The following INTS9 variants were observed in gnomAD, a reference collection of about 807,000 sequenced individuals.
INTS9 encodes integrator complex subunit 9.
A neutral mutation model predicts 79.7 loss-of-function variants in INTS9; 55 were observed. The observed-to-expected ratio is 0.69, with a 90% CI of 0.56 to 0.86. The LOEUF is 0.86. INTS9 is among the 40% of genes least tolerant of loss of function. The pLI is 0.00. For synonymous variants in INTS9, 319 were observed against 325.2 expected, an observed-to-expected ratio of 0.98 and a Z score of 0.20; for missense variants, 721 against 831.5, an observed-to-expected ratio of 0.87 and a Z score of 1.64.
intron 5 of INTS9, 99 bp from the exon 6 acceptor site, chr8:28,835,477 C>A: frequency 1.9e-6 from 1 of 515,188 alleles, no homozygotes; most frequent in South Asian, 3.3e-5. Context: ...GCCCACCTCC[C>A]CCTACACCAT....
chr8:28,768,458 C>T, intron 16 of INTS9, 136 bp from the exon 17 acceptor site: 1 of 770,104 alleles, frequency 1.3e-6, no homozygotes, highest in Non-Finnish European at 2.2e-6. Context: ...TAGTCATAGG[C>T]CTATGATAGT....
At chr8:28,887,253 C>T (rs182564136) in intron 1 of INTS9, among the ~76,000 whole-genome samples, 27 of 152,192 alleles carry the variant, frequency 1.8e-4, no homozygotes, top group Admixed American at 1.8e-3. Flanking sequence ...ATCCTAAGGG[C>T]AAAGGAAGAT....
intron 5 of INTS9, among the ~76,000 whole-genome samples, chr8:28,837,385 AG>A (rs1427155229): frequency 6.6e-6 from 1 of 152,198 alleles, no homozygotes; most frequent in Non-Finnish European, 1.5e-5. Flanking sequence ...CTCTGTACAG[AG>A]GAGCCGTCTC....
chr8:28,826,549 C>T (rs564137575), intron 6 of INTS9, among the ~76,000 whole-genome samples: 53 of 152,254 alleles, frequency 3.5e-4, no homozygotes, highest in African/African-American at 1.2e-3. Flanking sequence ...TGACCCCTAC[C>T]CACAGGATTC....
intron 1 of INTS9, among the ~76,000 whole-genome samples, chr8:28,880,121 A>G (rs1809621132): frequency 6.6e-6 from 1 of 152,240 alleles, no homozygotes; most frequent in Non-Finnish European, 1.5e-5. Context: ...CTTTTTACCC[A>G]TATTTCCACA....
intron 6 of INTS9, among the ~76,000 whole-genome samples, chr8:28,824,328 A>G (rs1563277153): frequency 6.6e-6 from 1 of 152,182 alleles, no homozygotes; most frequent in Non-Finnish European, 1.5e-5. Context: ...CAATACATTG[A>G]GGATAAAATC....
At chr8:28,803,038 T>C (rs1052809355) in intron 8 of INTS9, among the ~76,000 whole-genome samples, 4 of 151,768 alleles carry the variant, frequency 2.6e-5, no homozygotes, top group African/African-American at 4.8e-5. Context: ...TCTGAGCCCA[T>C]AGAGTTTGAG....
intron 12 of INTS9, among the ~76,000 whole-genome samples, chr8:28,778,533 C>CCTT (rs1242526724): frequency 6.6e-6 from 1 of 152,160 alleles, no homozygotes; most frequent in Non-Finnish European, 1.5e-5. Flanking sequence ...GCCTCCAGGC[C>CCTT]CGTGAATGGT....
chr8:28,864,684 C>A (rs1808638812), intron 1 of INTS9, among the ~76,000 whole-genome samples: 1 of 152,050 alleles, frequency 6.6e-6, no homozygotes, highest in South Asian at 2.1e-4. Flanking sequence ...AGAAATTTAT[C>A]ATTTGTCTTC....
intron 10 of INTS9, 24 bp from the exon 11 acceptor site, chr8:28,787,913 A>G: frequency 6.4e-7 from 1 of 1,567,430 alleles, no homozygotes; most frequent in Non-Finnish European, 8.8e-7. Context: ...AAAACACATC[A>G]GCATGTGAGG....
chr8:28,799,292 G>C (rs982457454), intron 8 of INTS9: 3 of 152,950 alleles, frequency 2.0e-5, no homozygotes, highest in Non-Finnish European at 2.9e-5. Context: ...GCGAAACTCC[G>C]TCTCAAACAA....
intron 2 of INTS9, 49 bp from the exon 3 acceptor site, chr8:28,850,322 C>T (rs1807761319): frequency 2.1e-6 from 3 of 1,447,674 alleles, no homozygotes; most frequent in Middle Eastern, 1.8e-4. Flanking sequence ...GATTATAATC[C>T]TCAATGACTT....
intron 14 of INTS9, among the ~76,000 whole-genome samples, chr8:28,771,917 G>A (rs932925139): frequency 6.6e-6 from 1 of 152,136 alleles, no homozygotes; most frequent in African/African-American, 2.4e-5. Flanking sequence ...CTGGAGTGTG[G>A]TGGTGTGATC....
chr8:28,881,690 T>C (rs1166162013), intron 1 of INTS9, among the ~76,000 whole-genome samples: 72 of 117,230 alleles, frequency 6.1e-4, no homozygotes, highest in Admixed American at 1.1e-3. Context: ...AGCCGCCCCG[T>C]CCGGGAGGGA....
intron 2 of INTS9, among the ~76,000 whole-genome samples, chr8:28,855,943 G>A (rs1035413144): frequency 1.3e-5 from 2 of 152,194 alleles, no homozygotes; most frequent in African/African-American, 4.8e-5. Flanking sequence ...ATACCAAGAG[G>A]AAATGATAAA....
Position 28,772,001 on chromosome 8 carries a change from C to G in INTS9, c.1564-921G>C, listed in dbSNP as rs187829017. Among the ~76,000 whole-genome samples, 742 of 152,268 alleles carry G rather than the reference C, an allele frequency of 4.9e-3. 7 individuals are homozygous for G. Among genetic ancestry groups the G allele is most frequent in the African/African-American group, 0.017 (718 of 41,548 alleles). ...TCAGCCTCCCCAGTAGCTGGGACTA[C>G]AGGCATGAACCACCACGCCTGGCTA... On this transcript the variant is annotated intron_variant, in intron 14 of 16. Transcript: ENST00000521022.
intron 4 of INTS9, among the ~76,000 whole-genome samples, chr8:28,843,169 C>T (rs775537967): frequency 1.5e-4 from 23 of 152,172 alleles, no homozygotes; most frequent in Non-Finnish European, 2.8e-4. Flanking sequence ...GTTGTACAAG[C>T]CAAAGACTGG....
intron 6 of INTS9, among the ~76,000 whole-genome samples, chr8:28,833,574 C>T (rs963644001): frequency 1.7e-4 from 25 of 150,098 alleles, no homozygotes; most frequent in African/African-American, 5.4e-4. Flanking sequence ...GAGCCAAGAT[C>T]GCACCACTGC....
At chr8:28,843,417 C>T (rs1807312279) in intron 4 of INTS9, among the ~76,000 whole-genome samples, 1 of 152,222 alleles carries the variant, frequency 6.6e-6, no homozygotes, top group Non-Finnish European at 1.5e-5. Context: ...TAGTCTTTCT[C>T]CTCAATGATT....
Sources: gnomAD v4.1 joint callset for allele counts (sites outside exome capture counted in the v4.1 genomes callset) on GRCh38, gnomAD v4.1.1 for gene constraint, MANE v1.5 for transcripts, NCBI Gene and HGNC (gene_info 2026-07-23, HGNC 2026-07-21) for gene names.